The following RAI14 variants were observed in gnomAD, a reference collection of about 807,000 sequenced individuals.
RAI14 encodes ankycorbin.
A neutral mutation model predicts 115.4 loss-of-function variants in RAI14; 45 were observed. The observed-to-expected ratio is 0.39, with a 90% CI of 0.31 to 0.50. The LOEUF (loss-of-function observed/expected upper bound fraction) is 0.50. Among genes scored for constraint, RAI14 ranks in the 20% least tolerant of loss-of-function variants. RAI14 has a pLI of 0.85. For missense variants in RAI14, 939 were observed against 1,131.2 expected (o/e 0.83, Z 2.44); for synonymous variants, 371 against 415.4 (o/e 0.89, Z 1.30).
At position 34,768,541 on chromosome 5, in the gene RAI14, C is replaced by G. The variant is rs143885028; in HGVS notation, c.167+10943C>G. Among the ~76,000 whole-genome samples the G allele has an allele frequency of 3.7e-3, 564 of 152,226 alleles. 2 individuals carry two copies. The highest frequency in any genetic ancestry group is 0.013 in the African/African-American group (527 of 41,528). ...GAGAAGTTCTGAAATTAGTACAAAT[C>G]GCCTGTTCTACATACTGGAGTCTGG... On this transcript the variant is annotated intron_variant, in intron 3 of 17. Transcript: ENST00000265109.
At chr5:34,702,730 G>T (rs905147902) in intron 2 of RAI14, among the ~76,000 whole-genome samples, 5 of 152,050 alleles carry the variant, frequency 3.3e-5, no homozygotes, top group Non-Finnish European at 7.4e-5. Context: ...TTTTTGAGAT[G>T]GAGTTTTACT....
rs548168969 is a variant in RAI14 at position 34,746,322 on chromosome 5, G to C, written c.37-11146G>C. On this transcript the variant is annotated intron_variant, in intron 2 of 17. Coordinates refer to ENST00000265109, the MANE Select transcript of RAI14 (RefSeq NM_015577.3). ...GGGTTTCACTGTGTTAGCCAGGATG[G>C]TCTCGATCTCCTGACCTCATGATCT... Among the ~76,000 whole-genome samples the C allele has an allele frequency of 2.0e-3, 296 of 151,174 alleles. 1 individual carries two copies. The highest frequency in any genetic ancestry group is 6.9e-3 in the African/African-American group (286 of 41,190).
chr5:34,776,565 G>C (rs1022162056), intron 3 of RAI14, among the ~76,000 whole-genome samples: 11 of 152,172 alleles, frequency 7.2e-5, no homozygotes, highest in Admixed American at 7.2e-4. Flanking sequence ...CAGCACTTTG[G>C]AAGGCTGAGG....
rs550604729 is a variant in RAI14 at position 34,699,175 on chromosome 5, C to T, written c.36+12220C>T. The stretch of plus-strand genomic sequence containing the variant: ...TTTACCACTAAAATACACTTAGCTA[C>T]TAGGCATCATTCTAAGCAACTTAAC... On this transcript the variant is annotated intron_variant, in intron 2 of 17. Transcript: ENST00000265109. Among the ~76,000 whole-genome samples, 5 of 152,326 alleles carry T rather than the reference C, an allele frequency of 3.3e-5. No individual in the cohort carries two copies. The East Asian group carries it at 9.6e-4, about 29-fold the overall frequency.
intron 2 of RAI14, among the ~76,000 whole-genome samples, chr5:34,736,159 C>T (rs1029590714): frequency 2.6e-5 from 4 of 152,118 alleles, no homozygotes; most frequent in African/African-American, 4.8e-5. Flanking sequence ...CCAGCACTTT[C>T]GGAGGCCAAG....
chr5:34,804,774 A>G (rs1754665534), intron 5 of RAI14, among the ~76,000 whole-genome samples: 1 of 152,246 alleles, frequency 6.6e-6, no homozygotes. Context: ...CAACTAAAAT[A>G]GAACTTTTCT....
rs34331538 is a variant in RAI14 at position 34,791,376 on chromosome 5, CT to C, written c.168-4557del. ...TTTGGCCTAAGACCATATTAGAAAA[CT>C]TTTTTGAAGTCACTTATTATATGCC... On this transcript the variant is annotated intron_variant, in intron 3 of 17. Transcript: ENST00000265109. This position sits in a 1 kb window ranked among gnomAD's most constrained non-coding sequence, Gnocchi z 5.4. Among the ~76,000 whole-genome samples, 2 of 152,008 alleles carry C rather than the reference CT, an allele frequency of 1.3e-5. No homozygotes were observed. Among genetic ancestry groups the C allele is most frequent in the East Asian group, 3.9e-4 (2 of 5,188 alleles).
At chr5:34,821,446 A>G (rs546901354) in intron 13 of RAI14, among the ~76,000 whole-genome samples, 49 of 152,304 alleles carry the variant, frequency 3.2e-4, no homozygotes, top group Non-Finnish European at 5.9e-4. Flanking sequence ...CAACCAAGAT[A>G]TGACACTTAA....
rs558063535 is a variant in RAI14, at chr5:34,673,549, T to C, written c.-48-13323T>C. Among the ~76,000 whole-genome samples, 3 of 152,350 alleles carry C rather than the reference T, an allele frequency of 2.0e-5. No individual in the cohort carries two copies. In the East Asian group the frequency reaches 5.8e-4, roughly 29 times the overall value. On this transcript the variant is annotated intron_variant, in intron 1 of 17. Transcript: ENST00000265109. ...TCTAGGCACCTCTTTTACTGTGGCA[T>C]CTGAGTTGGGTCTCTGTCACTTGCA... is the stretch of plus-strand genomic sequence containing the variant.
At chr5:34,691,963 A>G (rs1010748871) in intron 2 of RAI14, among the ~76,000 whole-genome samples, 1 of 152,200 alleles carries the variant, frequency 6.6e-6, no homozygotes, top group African/African-American at 2.4e-5. Context: ...TTTCTTGCCT[A>G]TTAAGATAAC....
chr5:34,709,722 G>A (rs1261219739), intron 2 of RAI14, among the ~76,000 whole-genome samples: 1 of 152,156 alleles, frequency 6.6e-6, no homozygotes, highest in East Asian at 1.9e-4. Flanking sequence ...TTCTGGAGAG[G>A]AGCTGGGTTG....
At chr5:34,764,346 A>G (rs983807450) in intron 3 of RAI14, among the ~76,000 whole-genome samples, 1 of 152,146 alleles carries the variant, frequency 6.6e-6, no homozygotes, top group East Asian at 1.9e-4. Context: ...TTTCAGTGGT[A>G]TGGCGGTACT....
chr5:34,771,690 G>A (rs1338882638), intron 3 of RAI14, among the ~76,000 whole-genome samples: 1 of 152,130 alleles, frequency 6.6e-6, no homozygotes, highest in Non-Finnish European at 1.5e-5. Context: ...TTGTTGAGTG[G>A]TTTGGTAGGA....
At chr5:34,679,493 C>G (rs181921) in intron 1 of RAI14, among the ~76,000 whole-genome samples, 41,340 of 151,984 alleles carry the variant, frequency 0.27, 5,905 homozygotes, top group East Asian at 0.46. Context: ...TGAAATAACA[C>G]AGCAGCCCTG....
chr5:34,792,117 A>G (rs975393137), intron 3 of RAI14, among the ~76,000 whole-genome samples: 1 of 152,200 alleles, frequency 6.6e-6, no homozygotes, highest in Non-Finnish European at 1.5e-5. Context: ...GCGCATACCC[A>G]GTGAGAGGAA....
intron 2 of RAI14, chr5:34,688,112 GA>G: frequency 8.1e-7 from 1 of 1,233,650 alleles, no homozygotes; most frequent in Non-Finnish European, 1.1e-6. Context: ...CTTCGACAAA[GA>G]CAGAAAACTA....
intron 1 of RAI14, among the ~76,000 whole-genome samples, chr5:34,658,520 A>G (rs192558995): frequency 1.7e-3 from 264 of 151,816 alleles, no homozygotes; most frequent in African/African-American, 6.1e-3. Flanking sequence ...AGGGCCAGGC[A>G]TGGTGCTTAT....
chr5:34,753,149 A>G (rs942268740), intron 2 of RAI14, among the ~76,000 whole-genome samples: 2 of 152,078 alleles, frequency 1.3e-5, no homozygotes, highest in Admixed American at 6.6e-5. Context: ...TGTCCTATGG[A>G]GGGCATGCTA....
In RAI14 at chr5:34,746,876, T is replaced by TG. The variant is rs201018618; in HGVS notation, c.37-10587dup. 7.0e-4 allele frequency among the ~76,000 whole-genome samples: 107 copies of TG among 152,270 alleles called. 1 individual carries two copies. In the East Asian group the frequency reaches 0.02, roughly 28 times the overall value. ...GACCCAGGGGAAGGTAATTGAATCA[T>TG]GGGGGCTGGTCTTTCCTGTGCTATT... On this transcript the variant is annotated intron_variant, in intron 2 of 17. Coordinates refer to ENST00000265109, the MANE Select transcript of RAI14 (RefSeq NM_015577.3).
Sources: allele counts gnomAD v4.1 joint callset (sites outside exome capture counted in the v4.1 genomes callset), GRCh38; gene constraint gnomAD v4.1.1; non-coding constraint Gnocchi (gnomAD v3.1); transcripts MANE v1.5; gene names NCBI Gene and HGNC (gene_info 2026-07-23, HGNC 2026-07-21).